ATP5F1B: variants seen among roughly 807,000 people sequenced by gnomAD.
ATP5F1B encodes ATP synthase F1 subunit beta, also known as ATP synthase F(1) complex subunit beta, mitochondrial.
In ATP5F1B, 17 loss-of-function variants were observed where a neutral mutation model predicts 45.9. The ratio of observed to expected loss-of-function variants is 0.37; its 90% CI spans 0.25 to 0.56. The LOEUF is 0.56. Among genes scored for constraint, ATP5F1B ranks in the 20% least tolerant of loss-of-function variants. The probability of loss-of-function intolerance (pLI) is 0.80; values close to 1 mark genes in which losing one functional copy is unlikely to be tolerated. For synonymous variants in ATP5F1B, 218 were observed against 256.5 expected (o/e 0.85, Z 1.43); for missense variants, 387 against 673.2 (o/e 0.57, Z 4.70).
Position 56,645,945 on chromosome 12 carries a change from G to T in ATP5F1B, c.19C>A (p.Arg7=). The change falls in exon 1 of 10, where the codon CGG becomes AGG. Residue 7 remains arginine, a synonymous_variant. Transcript: ENST00000262030. ...CCGGAGGCCGGAGCAGCGGCCACCC[G>T]ACCCACAAACCCCAACATGGCGTAG... MLGFVG[R]VAAAPASGAL... 1 of 1,605,060 alleles carries T rather than the reference G, an allele frequency of 6.2e-7. No homozygotes were observed. Among genetic ancestry groups the T allele is most frequent in the East Asian group, 2.2e-5 (1 of 44,538 alleles).
chr12:56,643,053 C>A lies in ATP5F1B; in HGVS notation c.793-222G>T, dbSNP rs1951524042. On this transcript the variant is annotated intron_variant, in intron 5 of 9. Coordinates refer to ENST00000262030, the MANE Select transcript of ATP5F1B (RefSeq NM_001686.4). ...AGTAGAAAGGAAATAAAAACCTATT[C>A]AAGTTAAGTGAAAAGTACAAAATAG... 2 of 562,424 alleles carry A rather than the reference C, an allele frequency of 3.6e-6. 1 individual carries two copies. The highest frequency in any genetic ancestry group is 6.0e-5 in the East Asian group (2 of 33,114). 34.8% of individuals were successfully genotyped at this position (562,424 alleles called of 1,614,324 possible). A position where few individuals can be genotyped will look rare whatever the true frequency, so the allele number is the denominator to read the frequency against.
rs753852454 is a variant in ATP5F1B, at chr12:56,644,958, G to C, written c.311-3C>G. ...AATAGTCCTTACTGTGCTCTCACCTGTTAGATACAGGCATCGCAGGGTTAT... is the reference window on the plus strand; with the variant it reads ...AATAGTCCTTACTGTGCTCTCACCTCTTAGATACAGGCATCGCAGGGTTAT... On this transcript the variant is annotated splice_region_variant and splice_polypyrimidine_tract_variant and intron_variant, in intron 2 of 9. Transcript: ENST00000262030. 1 of 1,614,106 alleles carries C rather than the reference G, an allele frequency of 6.2e-7. No individual in the cohort carries two copies. Among genetic ancestry groups the C allele is most frequent in the South Asian group, 1.1e-5 (1 of 91,078 alleles).
intron 5 of ATP5F1B, 39 bp downstream of exon 5, chr12:56,643,364 C>T (rs766711876): frequency 1.9e-6 from 3 of 1,543,890 alleles, no homozygotes; most frequent in Non-Finnish European, 2.6e-6. Context: ...AGTTTCCTGG[C>T]GTAACTACCA....
At position 56,638,200 on chromosome 12, in the gene ATP5F1B, A is replaced by G. The variant is rs1951484888; in HGVS notation, c.*123T>C. On this transcript the variant is annotated 3_prime_UTR_variant, in exon 10 of 10. Coordinates refer to ENST00000262030, the MANE Select transcript of ATP5F1B (RefSeq NM_001686.4). ...TTCTGAGGGGTGTACATTTTATTGG[A>G]AACCTTAAATACTGTTCAGAAAGAA... 1 of 809,424 alleles carries G rather than the reference A, an allele frequency of 1.2e-6. No homozygotes were observed. The highest frequency in any genetic ancestry group is 2.0e-6 in the Non-Finnish European group (1 of 511,336). 50.1% of individuals were successfully genotyped at this position (809,424 alleles called of 1,614,324 possible). A position where few individuals can be genotyped will look rare whatever the true frequency, so the allele number is the denominator to read the frequency against.
In ATP5F1B at chr12:56,644,953, C is replaced by T; in HGVS notation, c.313G>A (p.Glu105Lys). ...LVLEVAQHLG[E>K]STVRTIAMDG... is the part of the protein sequence containing the mutation. ...ATAGCAATAGTCCTTACTGTGCTCT[C>T]ACCTGTTAGATACAGGCATCGCAGG... is the stretch of plus-strand genomic sequence containing the variant. The change falls in exon 3 of 10, where the codon GAG (glutamate) becomes AAG (lysine). Residue 105 changes from glutamate (E) to lysine (K), a missense_variant and splice_region_variant. Transcript: ENST00000262030. 1 of 1,614,116 alleles carries T rather than the reference C, an allele frequency of 6.2e-7. No homozygotes were observed.
At chr12:56,638,902 T>C (rs1315762108) in intron 9 of ATP5F1B, among the ~76,000 whole-genome samples, 6 of 152,072 alleles carry the variant, frequency 3.9e-5, no homozygotes, top group African/African-American at 1.4e-4. Context: ...AAAAAATACA[T>C]ATAAAATAAA....
At chr12:56,644,727 A>G in intron 3 of ATP5F1B, 54 bp downstream of exon 3, 1 of 1,550,700 alleles carries the variant, frequency 6.4e-7, no homozygotes. Flanking sequence ...TTAATGTGTA[A>G]AACTGCAAAT....
rs1436024717 is a variant in ATP5F1B at position 56,643,697 on chromosome 12, T to C, written c.608-110A>G. ...ATCCTATTCCTTCTCAGAAATTGCA[T>C]CTGGCTTCAGCAAACTCAGAAGAAC... On this transcript the variant is annotated intron_variant, in intron 4 of 9. Coordinates refer to ENST00000262030, the MANE Select transcript of ATP5F1B (RefSeq NM_001686.4). 1.9e-6 allele frequency: 3 copies of C among 1,582,324 alleles called. No individual in the cohort carries two copies. The South Asian group carries it at 3.3e-5, about 18-fold the overall frequency.
chr12:56,641,998 T>C (rs1031359940), intron 7 of ATP5F1B, among the ~76,000 whole-genome samples: 1 of 151,124 alleles, frequency 6.6e-6, no homozygotes, highest in Admixed American at 6.6e-5. Flanking sequence ...CCTTCATTTA[T>C]TTTTTTTTAA....
chr12:56,640,970 AC>A (rs1415780430), intron 7 of ATP5F1B, among the ~76,000 whole-genome samples: 1 of 151,686 alleles, frequency 6.6e-6, no homozygotes, highest in Non-Finnish European at 1.5e-5. Context: ...AATCGCTTGA[AC>A]CCAGGAGGTG....
chr12:56,644,713 C>A, intron 3 of ATP5F1B, 68 bp downstream of exon 3: 1 of 1,498,122 alleles, frequency 6.7e-7, no homozygotes, highest in South Asian at 1.3e-5. Context: ...GAGAACATGT[C>A]ACCTTAATGT....
chr12:56,639,414 G>A (rs1951495989), intron 8 of ATP5F1B, 107 bp from the exon 9 acceptor site: 2 of 1,015,892 alleles, frequency 2.0e-6, no homozygotes, highest in African/African-American at 1.6e-5. Context: ...GTGGTGTTAT[G>A]AGGGCCCTCA....
At chr12:56,643,205 A>C (rs1428060066) in intron 5 of ATP5F1B, 198 bp downstream of exon 5, 1 of 517,090 alleles carries the variant, frequency 1.9e-6, no homozygotes, top group Non-Finnish European at 3.3e-6. Context: ...GAGGAAAGAA[A>C]ATGTCCATTT....
At chr12:56,643,986 C>T (rs775806079) in intron 3 of ATP5F1B, 28 bp from the exon 4 acceptor site, 55 of 1,608,222 alleles carry the variant, frequency 3.4e-5, no homozygotes, top group Middle Eastern at 3.3e-4. Context: ...AGGATAGTAT[C>T]TATTCACCTT....
At chr12:56,643,272 C>T in intron 5 of ATP5F1B, 131 bp downstream of exon 5, 1 of 809,012 alleles carries the variant, frequency 1.2e-6, no homozygotes, top group Non-Finnish European at 1.8e-6. Flanking sequence ...GGCCCTGGGA[C>T]ACGAAAATGA....
At chr12:56,639,446 G>T in intron 8 of ATP5F1B, 139 bp from the exon 9 acceptor site, 1 of 761,914 alleles carries the variant, frequency 1.3e-6, no homozygotes, top group Non-Finnish European at 2.2e-6. Flanking sequence ...TCAGTGTCTT[G>T]TTCTCCATAG....
rs745371750 is a variant in ATP5F1B at position 56,645,130 on chromosome 12, G to T, written c.310+41C>A. On this transcript the variant is annotated intron_variant, in intron 2 of 9. Transcript: ENST00000262030. ...ACAGCTTGGTTTTGGGGATATTTGG[G>T]CTACACAAGGTCTTTACTATTCCTA... 1.9e-6 allele frequency: 3 copies of T among 1,612,880 alleles called. No homozygotes were observed. The Admixed American group carries it at 5.0e-5, about 27-fold the overall frequency.
At chr12:56,642,942 C>G in intron 5 of ATP5F1B, 111 bp from the exon 6 acceptor site, 3 of 1,232,492 alleles carry the variant, frequency 2.4e-6, no homozygotes, top group Non-Finnish European at 3.3e-6. Context: ...AAGGTGTCAG[C>G]GTTTTTGTGT....
chr12:56,645,538 T>G (rs1215778893), intron 1 of ATP5F1B, among the ~76,000 whole-genome samples, 185 bp from the exon 2 acceptor site: 1 of 152,094 alleles, frequency 6.6e-6, no homozygotes, highest in South Asian at 2.1e-4. Context: ...AGCCTTCCCA[T>G]CCGCATGCAC....
Sources: allele counts gnomAD v4.1 joint callset (sites outside exome capture counted in the v4.1 genomes callset), GRCh38; gene constraint gnomAD v4.1.1; transcripts MANE v1.5; gene names NCBI Gene and HGNC (gene_info 2026-07-23, HGNC 2026-07-21).